Variants in LRP1 observed in about 807,000 individuals in gnomAD.
LRP1 encodes the protein prolow-density lipoprotein receptor-related protein 1.
LRP1 carries 51 observed loss-of-function variants against 541.5 expected under a neutral mutation model. That is an observed-to-expected ratio of 0.09 (90% CI 0.08 to 0.12). The LOEUF (loss-of-function observed/expected upper bound fraction) is 0.12. Among genes scored for constraint, LRP1 ranks in the 10% least tolerant of loss-of-function variants. The pLI is 1.00. For missense variants in LRP1, 3,878 were observed against 6,376.2 expected, an observed-to-expected ratio of 0.61 and a Z score of 13.34; for synonymous variants, 2,219 against 2,470.8, an observed-to-expected ratio of 0.90 and a Z score of 3.02.
rs1457037944 is a variant in LRP1, at chr12:57,149,214, T to G, written c.841+3724T>G. Reference sequence around the variant, plus strand: ...GCTAACCATGCCCATCCTTGGCCTTTCTGACCCATGGGATGCCAGGCTGTT... The same window carrying G: ...GCTAACCATGCCCATCCTTGGCCTTGCTGACCCATGGGATGCCAGGCTGTT... On this transcript the variant is annotated intron_variant, in intron 6 of 88. Transcript: ENST00000243077. 6 of 441,302 alleles carry G rather than the reference T, an allele frequency of 1.4e-5. No homozygotes were observed. The South Asian group carries it at 4.0e-4, about 29-fold the overall frequency. The allele number at this position is 441,302 out of a possible 1,614,324, so 27.3% of individuals were successfully genotyped here. A position where few individuals can be genotyped will look rare whatever the true frequency, so the allele number is the denominator to read the frequency against.
At chr12:57,155,174 C>T (rs1490372124) in intron 8 of LRP1, 1 of 247,532 alleles carries the variant, frequency 4.0e-6, no homozygotes, top group Non-Finnish European at 7.8e-6. Flanking sequence ...CAGTTTTAGC[C>T]CTGAAAGTCT....
intron 1 of LRP1, among the ~76,000 whole-genome samples, chr12:57,131,505 G>A (rs1036326904): frequency 6.6e-6 from 1 of 152,064 alleles, no homozygotes; most frequent in African/African-American, 2.4e-5. Context: ...CCTTGAGCCG[G>A]CATATTACCA....
intron 4 of LRP1, among the ~76,000 whole-genome samples, chr12:57,144,039 T>G (rs1255654668): frequency 2.6e-5 from 4 of 152,216 alleles, no homozygotes; most frequent in African/African-American, 9.6e-5. Flanking sequence ...TGTAAAAAAT[T>G]AGAGCATTAA....
intron 12 of LRP1, 146 bp downstream of exon 12, chr12:57,160,151 T>C: frequency 1.4e-6 from 1 of 736,690 alleles, no homozygotes; most frequent in South Asian, 1.8e-5. Flanking sequence ...GGAGAAGGAG[T>C]CCCTGTCTTC....
chr12:57,185,585 G>A lies in LRP1; in HGVS notation c.6518G>A (p.Arg2173Gln), dbSNP rs370414805. 92 of 1,604,414 alleles carry A rather than the reference G, an allele frequency of 5.7e-5. 1 individual carries two copies. Among genetic ancestry groups the A allele is most frequent in the Middle Eastern group, 3.4e-4 (2 of 5,950 alleles). ...GGGTGCCAGCAGCTGTGCCTGTACC[G>A]GGGCCGTGGGCAGCGGGCCTGCGCC... ...NGGCQQLCLYRGRGQRACACA... is the reference protein window; with the variant it reads ...NGGCQQLCLYQGRGQRACACA... The change falls in exon 41 of 89, where the codon CGG (arginine) becomes CAG (glutamine). Residue 2173 changes from arginine to glutamine, a missense_variant. Coordinates refer to ENST00000243077, the MANE Select transcript of LRP1 (RefSeq NM_002332.3). This position sits in a 1 kb window ranked among gnomAD's most constrained non-coding sequence, Gnocchi z 4.9.
In LRP1 at chr12:57,183,513, G is replaced by A. The variant is rs1347457064; in HGVS notation, c.5794+3G>A. On this transcript the variant is annotated splice_donor_region_variant and intron_variant, in intron 35 of 88. Transcript: ENST00000243077. The surrounding 1 kb of genome is among the most constrained non-coding windows in gnomAD (Gnocchi z 6.1). ...TGTCGGCATCGACTTCCACGCTGGT[G>A]AGCCATTTGGTGGCAGAGGGAGTTG... The A allele has an allele frequency of 2.5e-6, 4 of 1,612,196 alleles. No homozygotes were observed. The Admixed American group carries it at 6.7e-5, about 27-fold the overall frequency.
Position 57,183,858 on chromosome 12 carries a change from G to T in LRP1, c.5878G>T (p.Val1960Leu). The change falls in exon 36 of 89, where the codon GTG becomes TTG. Residue 1960 changes from valine to leucine, a missense_variant. This residue lies in a region of LRP1 where 394 missense variants were observed against 635.9 expected (regional missense o/e 0.62). Transcript: ENST00000243077. This position sits in a 1 kb window ranked among gnomAD's most constrained non-coding sequence, Gnocchi z 6.1. ...KRDQTWREDV[V>L]TNGIGRVEGI... ...GGACCAGACGTGGCGTGAAGACGTG[G>T]TGACCAATGGCATTGGCCGTGTGGA... The T allele has an allele frequency of 1.2e-6, 2 of 1,614,208 alleles. No individual in the cohort carries two copies. Among genetic ancestry groups the T allele is most frequent in the Non-Finnish European group, 1.7e-6 (2 of 1,180,050 alleles).
chr12:57,136,404 C>G lies in LRP1; in HGVS notation c.68-2055C>G, dbSNP rs532728079. Among the ~76,000 whole-genome samples, 12 of 148,364 alleles carry G rather than the reference C, an allele frequency of 8.1e-5. 2 individuals are homozygous for G. The highest frequency in any genetic ancestry group is 3.0e-4 in the African/African-American group (12 of 40,676). On this transcript the variant is annotated intron_variant, in intron 1 of 88. Coordinates refer to ENST00000243077, the MANE Select transcript of LRP1 (RefSeq NM_002332.3). Reference sequence around the variant, plus strand: ...TCCCTCCCTCCTAAGAGCCCCCCCCCCCCGCCATTTTCCTTATACTTCTGT... The same window carrying G: ...TCCCTCCCTCCTAAGAGCCCCCCCCGCCCGCCATTTTCCTTATACTTCTGT...
In LRP1 at chr12:57,205,841, G is replaced by A; in HGVS notation, c.11590+164G>A. The A allele has an allele frequency of 2.7e-6, 3 of 1,094,856 alleles. No homozygotes were observed. Among genetic ancestry groups the A allele is most frequent in the South Asian group, 1.6e-5 (1 of 63,058 alleles). 67.8% of individuals were successfully genotyped at this position (1,094,856 alleles called of 1,614,324 possible). A position where few individuals can be genotyped will look rare whatever the true frequency, so the allele number is the denominator to read the frequency against. ...CTGAGCACAGTGCTGGCCCAGCAGTGGGGGCAGGTCCTGGGGCTGGCTGAC... is the reference window on the plus strand; with the variant it reads ...CTGAGCACAGTGCTGGCCCAGCAGTAGGGGCAGGTCCTGGGGCTGGCTGAC... On this transcript the variant is annotated intron_variant, in intron 75 of 88. Coordinates refer to ENST00000243077, the MANE Select transcript of LRP1 (RefSeq NM_002332.3). This position sits in a 1 kb window ranked among gnomAD's most constrained non-coding sequence, Gnocchi z 4.6.
At chr12:57,172,360 AG>A (rs1434995681) in intron 20 of LRP1, among the ~76,000 whole-genome samples, 2 of 152,070 alleles carry the variant, frequency 1.3e-5, no homozygotes, top group Non-Finnish European at 2.9e-5. Context: ...TAGTAGAGAC[AG>A]GGTTTCACCA....
At chr12:57,143,645 G>A (rs750064162) in intron 3 of LRP1, 34 bp from the exon 4 acceptor site, 17 of 1,595,104 alleles carry the variant, frequency 1.1e-5, no homozygotes, top group African/African-American at 9.4e-5. Context: ...CAGATCTGGC[G>A]GCCTGAATAT....
In LRP1 at chr12:57,172,360, A is replaced by G. The variant is rs866154999; in HGVS notation, c.3164-808A>G. Reference sequence around the variant, plus strand: ...AATTTTTTGTATTTTTAGTAGAGACAGGGTTTCACCATGTTAGCCAGGATG... The same window carrying G: ...AATTTTTTGTATTTTTAGTAGAGACGGGGTTTCACCATGTTAGCCAGGATG... On this transcript the variant is annotated intron_variant, in intron 20 of 88. Coordinates refer to ENST00000243077, the MANE Select transcript of LRP1 (RefSeq NM_002332.3). Among the ~76,000 whole-genome samples, 6 of 152,188 alleles carry G rather than the reference A, an allele frequency of 3.9e-5. No homozygotes were observed. The Middle Eastern group carries it at 0.014, about 345-fold the overall frequency.
chr12:57,129,236 C>T, intron 1 of LRP1: 1 of 580,932 alleles, frequency 1.7e-6, no homozygotes, highest in East Asian at 2.8e-5. Flanking sequence ...CTTCCGGGGC[C>T]CCCCAGCACA....
chr12:57,187,711 T>G (rs1208952421), intron 42 of LRP1, among the ~76,000 whole-genome samples: 1 of 152,178 alleles, frequency 6.6e-6, no homozygotes, highest in Admixed American at 6.5e-5. Context: ...GCTCTGCCTT[T>G]GTGATTGATT....
At chr12:57,195,613 G>A (rs150617835) in intron 52 of LRP1, 45 bp from the exon 53 acceptor site, 15 of 1,613,292 alleles carry the variant, frequency 9.3e-6, no homozygotes, top group South Asian at 6.6e-5. Flanking sequence ...ACGGTCGGCC[G>A]CTGGCCAGGC....
rs371746871 is a variant in LRP1 at position 57,211,929 on chromosome 12, A to G, written c.13261A>G (p.Ile4421Val). The G allele has an allele frequency of 1.9e-6, 3 of 1,613,846 alleles. No individual in the cohort carries two copies. The highest frequency in any genetic ancestry group is 2.5e-6 in the Non-Finnish European group (3 of 1,179,974). ...HVFSQQQPGH[I>V]ASILIPLLLL... ...AGTGTCCCACCTCTTCCCTCCAGATATAGCCTCCATCCTAATCCCTCTGCT... is the reference window on the plus strand; with the variant it reads ...AGTGTCCCACCTCTTCCCTCCAGATGTAGCCTCCATCCTAATCCCTCTGCT... The change falls in exon 87 of 89, where the codon ATA becomes GTA. Residue 4421 changes from isoleucine to valine, a missense_variant and splice_region_variant. Around this residue, in one of 13 missense-constraint regions of LRP1, gnomAD observed 871 missense variants for 1,212.4 expected, o/e 0.72. Transcript: ENST00000243077. This position sits in a 1 kb window ranked among gnomAD's most constrained non-coding sequence, Gnocchi z 4.3.
intron 6 of LRP1, among the ~76,000 whole-genome samples, chr12:57,151,880 C>T (rs899741498): frequency 2.0e-5 from 3 of 152,096 alleles, no homozygotes; most frequent in Non-Finnish European, 2.9e-5. Context: ...TAATGTGGTG[C>T]AGGGGGTTGG....
chr12:57,194,025 C>T lies in LRP1; in HGVS notation c.7918+13C>T. 1 of 1,610,138 alleles carries T rather than the reference C, an allele frequency of 6.2e-7. No homozygotes were observed. Among genetic ancestry groups the T allele is most frequent in the African/African-American group, 1.3e-5 (1 of 74,948 alleles). On this transcript the variant is annotated intron_variant, in intron 48 of 88. Transcript: ENST00000243077. ...GAGATGAACTGCAGTGAGTGACGCC[C>T]TTTGCTGGCACCTCCTGGGCTCCTC...
At chr12:57,172,062 CTTT>C (rs57732385) in intron 20 of LRP1, among the ~76,000 whole-genome samples, 3 of 126,838 alleles carry the variant, frequency 2.4e-5, no homozygotes, top group Admixed American at 8.0e-5. Flanking sequence ...TTTCTTTTTT[CTTT>C]TTTTTTTTTT....
Sources: allele counts gnomAD v4.1 joint callset (sites outside exome capture counted in the v4.1 genomes callset), GRCh38; gene constraint gnomAD v4.1.1; regional missense constraint gnomAD v4.1.1; non-coding constraint Gnocchi (gnomAD v3.1); transcripts MANE v1.5; gene names NCBI Gene and HGNC (gene_info 2026-07-23, HGNC 2026-07-21).